Variants in DSG1 observed in about 807,000 individuals in gnomAD.
DSG1 encodes the protein desmoglein-1.
In DSG1, 39 loss-of-function variants were observed where a neutral mutation model predicts 97.5. The ratio of observed to expected loss-of-function variants is 0.40; its 90% CI spans 0.31 to 0.52. DSG1 has a LOEUF of 0.52. Among genes scored for constraint, DSG1 ranks in the 20% least tolerant of loss-of-function variants. The pLI, the probability that DSG1 is intolerant of heterozygous loss-of-function variation, is 0.53. For missense variants in DSG1, 1,311 were observed against 1,295.4 expected (o/e 1.01, Z -0.18); for synonymous variants, 475 against 443.4 (o/e 1.07, Z -0.90).
chr18:31,327,425 T>C (rs1290763162), intron 3 of DSG1, among the ~76,000 whole-genome samples: 2 of 152,116 alleles, frequency 1.3e-5, no homozygotes, highest in African/African-American at 4.8e-5. Flanking sequence ...ACCCCTTTTC[T>C]ATTCATTTTT....
At chr18:31,336,325 A>G (rs1229738313) in intron 8 of DSG1, 29 bp from the exon 9 acceptor site, 1 of 1,597,244 alleles carries the variant, frequency 6.3e-7, no homozygotes, top group Non-Finnish European at 8.5e-7. Flanking sequence ...TTTTCTTATA[A>G]TGAAACTATT....
rs1170309829 is a variant in DSG1, at chr18:31,357,981, A to G, written c.*2635A>G. Among the ~76,000 whole-genome samples the G allele has an allele frequency of 3.3e-5, 5 of 152,018 alleles. No homozygotes were observed. Among genetic ancestry groups the G allele is most frequent in the Non-Finnish European group, 7.4e-5 (5 of 67,896 alleles). On this transcript the variant is annotated 3_prime_UTR_variant, in exon 15 of 15. Coordinates refer to ENST00000257192, the MANE Select transcript of DSG1 (RefSeq NM_001942.4). ...TTTTCAATGAAGAAGTTTTGGGCAG[A>G]ACTTCATTCTTCTTCTTAGATGTTT... is the stretch of plus-strand genomic sequence containing the variant.
At chr18:31,353,685 T>TA (rs1411848797) in intron 14 of DSG1, among the ~76,000 whole-genome samples, 1 of 152,148 alleles carries the variant, frequency 6.6e-6, no homozygotes, top group Non-Finnish European at 1.5e-5. Context: ...CGCCGTTTTT[T>TA]AAGCCCGTCG....
intron 5 of DSG1, among the ~76,000 whole-genome samples, chr18:31,330,776 A>G (rs1307383570): frequency 6.6e-6 from 1 of 152,100 alleles, no homozygotes; most frequent in Non-Finnish European, 1.5e-5. Context: ...TTATATAAAT[A>G]TATTTTGAAC....
At chr18:31,337,707 G>A (rs1176966708) in intron 9 of DSG1, among the ~76,000 whole-genome samples, 1 of 152,154 alleles carries the variant, frequency 6.6e-6, no homozygotes, top group East Asian at 1.9e-4. Context: ...CCAGAGCTTA[G>A]CAGAATGCCA....
At chr18:31,335,334 C>A (rs1236938280) in intron 8 of DSG1, among the ~76,000 whole-genome samples, 2 of 152,130 alleles carry the variant, frequency 1.3e-5, no homozygotes, top group Non-Finnish European at 2.9e-5. Flanking sequence ...ACATTCTTTC[C>A]ATGATACTAT....
At position 31,346,207 on chromosome 18, in the gene DSG1, C is replaced by T; in HGVS notation, c.2100+9C>T. On this transcript the variant is annotated intron_variant, in intron 14 of 14. Coordinates refer to ENST00000257192, the MANE Select transcript of DSG1 (RefSeq NM_001942.4). ...AAAGCTACTTCTGTCAGGTAAGGTC[C>T]CTAGCCACATGCCTTTCTCGCCATC... is the stretch of plus-strand genomic sequence containing the variant. 1 of 1,608,820 alleles carries T rather than the reference C, an allele frequency of 6.2e-7. No homozygotes were observed. Among genetic ancestry groups the T allele is most frequent in the Non-Finnish European group, 8.5e-7 (1 of 1,175,348 alleles).
At chr18:31,331,616 C>T in intron 5 of DSG1, 85 bp from the exon 6 acceptor site, 3 of 1,297,326 alleles carry the variant, frequency 2.3e-6, no homozygotes, top group South Asian at 2.5e-5. Flanking sequence ...TCAACTAACT[C>T]TAACACTTTT....
Position 31,339,856 on chromosome 18 carries a change from A to C in DSG1, c.1518A>C (p.Arg506Ser). The C allele has an allele frequency of 6.2e-7, 1 of 1,614,144 alleles. No homozygotes were observed. The highest frequency in any genetic ancestry group is 8.5e-7 in the Non-Finnish European group (1 of 1,179,998). The change falls in exon 11 of 15, where the codon AGA becomes AGC. Residue 506 changes from arginine to serine, a missense_variant. Physicochemically the swap from Arg to Ser is moderately radical, Grantham distance 110. Coordinates refer to ENST00000257192, the MANE Select transcript of DSG1 (RefSeq NM_001942.4). ...CTAAAATTACTACCAATACTGGCAGACAAGAAAGTACTTCTTCCACTAACT... is the reference window on the plus strand; with the variant it reads ...CTAAAATTACTACCAATACTGGCAGCCAAGAAAGTACTTCTTCCACTAACT... ...PNTKITTNTG[R>S]QESTSSTNYD...
rs2071803973 is a variant in DSG1, at chr18:31,343,480, G to T, written c.1718G>T (p.Cys573Phe). The T allele has an allele frequency of 6.2e-7, 1 of 1,614,112 alleles. No individual in the cohort carries two copies. Among genetic ancestry groups the T allele is most frequent in the East Asian group, 2.2e-5 (1 of 44,872 alleles). ...LVPFLMICCD[C>F]GGAPRSAAGF... ...CCATTTTTGATGATCTGTTGTGATTGTGGAGGTGCTCCTCGTAGTGCAGCT... is the reference window on the plus strand; with the variant it reads ...CCATTTTTGATGATCTGTTGTGATTTTGGAGGTGCTCCTCGTAGTGCAGCT... The change falls in exon 12 of 15, where the codon TGT becomes TTT. Residue 573 changes from cysteine to phenylalanine, a missense_variant. Physicochemically the swap from Cys to Phe is radical, Grantham distance 205. Coordinates refer to ENST00000257192, the MANE Select transcript of DSG1 (RefSeq NM_001942.4).
At chr18:31,341,270 T>G (rs1334269767) in intron 11 of DSG1, among the ~76,000 whole-genome samples, 2 of 152,248 alleles carry the variant, frequency 1.3e-5, no homozygotes, top group African/African-American at 4.8e-5. Flanking sequence ...AAAATCTTAA[T>G]GTCAGAAGGT....
intron 1 of DSG1, among the ~76,000 whole-genome samples, chr18:31,321,023 T>C (rs1418406423): frequency 6.6e-6 from 1 of 152,158 alleles, no homozygotes; most frequent in Non-Finnish European, 1.5e-5. Flanking sequence ...TCTATGACCA[T>C]GAATGATCTG....
rs112169854 is a variant in DSG1 at position 31,355,360 on chromosome 18, T to C, written c.*14T>C. 1 of 1,612,590 alleles carries C rather than the reference T, an allele frequency of 6.2e-7. No individual in the cohort carries two copies. The highest frequency in any genetic ancestry group is 8.5e-7 in the Non-Finnish European group (1 of 1,178,952). ...TATAGCAAGTAGTCAGGACCCCAGCTCACTTTTTCATAGTCATTGTGGTTT... is the reference window on the plus strand; with the variant it reads ...TATAGCAAGTAGTCAGGACCCCAGCCCACTTTTTCATAGTCATTGTGGTTT... On this transcript the variant is annotated 3_prime_UTR_variant, in exon 15 of 15. Coordinates refer to ENST00000257192, the MANE Select transcript of DSG1 (RefSeq NM_001942.4).
At chr18:31,332,434 A>G (rs1160249106) in intron 6 of DSG1, among the ~76,000 whole-genome samples, 1 of 152,194 alleles carries the variant, frequency 6.6e-6, no homozygotes, top group Non-Finnish European at 1.5e-5. Context: ...TAGGAATTAA[A>G]TGACAGACTG....
chr18:31,353,664 A>G (rs1265410041), intron 14 of DSG1, among the ~76,000 whole-genome samples: 1 of 152,012 alleles, frequency 6.6e-6, no homozygotes, highest in African/African-American at 2.4e-5. Flanking sequence ...GCAGGATATA[A>G]TCTCGTGGTG....
intron 11 of DSG1, among the ~76,000 whole-genome samples, chr18:31,342,235 G>A (rs1390851403): frequency 6.6e-6 from 1 of 152,010 alleles, no homozygotes; most frequent in Admixed American, 6.6e-5. Flanking sequence ...CCCGTCCTGA[G>A]TTGTTTTTTT....
chr18:31,329,789 C>T, intron 4 of DSG1, 103 bp from the exon 5 acceptor site: 1 of 1,401,858 alleles, frequency 7.1e-7, no homozygotes, highest in South Asian at 1.2e-5. Flanking sequence ...TCTAAGTAGA[C>T]ATAATAATTC....
rs780602124 is a variant in DSG1 at position 31,328,311 on chromosome 18, C to G, written c.339C>G (p.Ser113=). Reference sequence around the variant, plus strand: ...AAACTGGTGAAATTAATATAACATCCATAGTTGATCGAGAGGTCACTCCTT... The same window carrying G: ...AAACTGGTGAAATTAATATAACATCGATAGTTGATCGAGAGGTCACTCCTT... ...NQKTGEINIT[S]IVDREVTPFF... Residue 113 remains serine (S), a synonymous_variant, in exon 4 of 15, where the codon TCC becomes TCG. Coordinates refer to ENST00000257192, the MANE Select transcript of DSG1 (RefSeq NM_001942.4). The G allele has an allele frequency of 1.1e-5, 17 of 1,613,166 alleles. No homozygotes were observed. In the South Asian group the frequency reaches 1.3e-4, roughly 13 times the overall value.
rs2071755432 is a variant in DSG1, at chr18:31,336,570, G to A, written c.1222G>A (p.Val408Ile). The change falls in exon 9 of 15, where the codon GTA becomes ATA. Residue 408 changes from valine (V) to isoleucine (I), a missense_variant. Around this residue, in one of 3 missense-constraint regions of DSG1, gnomAD observed 1,038 missense variants for 964.6 expected, o/e 1.08. Coordinates refer to ENST00000257192, the MANE Select transcript of DSG1 (RefSeq NM_001942.4). ...MGSNDKVGDF[V>I]ATDLDTGRPS... is the part of the protein sequence containing the mutation. Reference sequence around the variant, plus strand: ...ATCAAATGATAAAGTGGGAGACTTTGTAGCTACTGACCTGGACACAGGTAG... The same window carrying A: ...ATCAAATGATAAAGTGGGAGACTTTATAGCTACTGACCTGGACACAGGTAG... The A allele has an allele frequency of 6.2e-7, 1 of 1,614,040 alleles. No individual in the cohort carries two copies. Among genetic ancestry groups the A allele is most frequent in the Admixed American group, 1.7e-5 (1 of 60,022 alleles).
Sources: gnomAD v4.1 joint callset for allele counts (sites outside exome capture counted in the v4.1 genomes callset) on GRCh38, gnomAD v4.1.1 for gene constraint, gnomAD v4.1.1 regional missense constraint, MANE v1.5 for transcripts, NCBI Gene and HGNC (gene_info 2026-07-23, HGNC 2026-07-21) for gene names.